Variants in NRG1 observed in about 807,000 individuals in gnomAD.
NRG1 encodes pro-neuregulin-1, membrane-bound isoform.
NRG1 carries 18 observed loss-of-function variants against 63.8 expected under a neutral mutation model. The observed-to-expected ratio is 0.28, with a 90% CI of 0.19 to 0.42. NRG1 has a LOEUF of 0.42. Among genes scored for constraint, NRG1 ranks in the 10% least tolerant of loss-of-function variants. The pLI is 1.00. For synonymous variants in NRG1, 302 were observed against 301.3 expected (o/e 1.00, Z -0.02); for missense variants, 762 against 814.7 (o/e 0.94, Z 0.79).
chr8:32,391,995 C>T (rs1010642832), intron 1 of NRG1, among the ~76,000 whole-genome samples: 2 of 152,046 alleles, frequency 1.3e-5, no homozygotes, highest in Admixed American at 1.3e-4. Flanking sequence ...TGAAAAATGG[C>T]CACAGGCTCT....
intron 5 of NRG1, among the ~76,000 whole-genome samples, chr8:32,670,796 G>A (rs1227295445): frequency 1.3e-5 from 2 of 152,102 alleles, no homozygotes; most frequent in East Asian, 3.9e-4. Context: ...GAGGTTCGTT[G>A]GTTTGCTTAA....
At chr8:31,886,649 C>T (rs926258155) in intron 1 of NRG1, among the ~76,000 whole-genome samples, 2 of 152,022 alleles carry the variant, frequency 1.3e-5, no homozygotes, top group South Asian at 2.1e-4. Context: ...CTGCAGCTGG[C>T]TCTTAAGTAA....
At chr8:32,093,255 T>C (rs564908232) in intron 1 of NRG1, among the ~76,000 whole-genome samples, 3 of 152,270 alleles carry the variant, frequency 2.0e-5, no homozygotes, top group Non-Finnish European at 4.4e-5. Context: ...AGGATGTGCA[T>C]AGCCCGAGAA....
intron 1 of NRG1, among the ~76,000 whole-genome samples, chr8:31,765,443 T>C (rs1245652914): frequency 6.6e-6 from 1 of 152,226 alleles, no homozygotes; most frequent in Non-Finnish European, 1.5e-5. Context: ...TCTTTTATCA[T>C]CATGTGTAAT....
At position 31,640,089 on chromosome 8, in the gene NRG1, A is replaced by G. The variant is rs1803589466; in HGVS notation, c.37+658A>G. ...CGCCGCCGCTGCCGCTGCTGCCACT[A>G]CTGCTGCTGCTGGGGACCGCGGCCC... On this transcript the variant is annotated intron_variant, in intron 1 of 10. Coordinates refer to the NRG1 transcript ENST00000519301. The surrounding 1 kb of genome is among the most constrained non-coding windows in gnomAD (Gnocchi z 6.3). The G allele has an allele frequency of 4.4e-6, 5 of 1,138,968 alleles. No individual in the cohort carries two copies. Among genetic ancestry groups the G allele is most frequent in the Non-Finnish European group, 5.4e-6 (5 of 930,376 alleles). 70.6% of individuals were successfully genotyped at this position (1,138,968 alleles called of 1,614,324 possible). A position where few individuals can be genotyped will look rare whatever the true frequency, so the allele number is the denominator to read the frequency against.
At chr8:32,762,891 G>C (rs746383712) in intron 11 of NRG1, among the ~76,000 whole-genome samples, 1 of 152,132 alleles carries the variant, frequency 6.6e-6, no homozygotes, top group Non-Finnish European at 1.5e-5. Flanking sequence ...GAGTCACTGA[G>C]CATTATCAGA....
At chr8:32,062,284 T>C (rs1284050344) in intron 1 of NRG1, among the ~76,000 whole-genome samples, 1 of 152,066 alleles carries the variant, frequency 6.6e-6, no homozygotes, top group Non-Finnish European at 1.5e-5. Context: ...GTTTTAAGAG[T>C]GTCATTCAGA....
intron 1 of NRG1, among the ~76,000 whole-genome samples, chr8:32,246,103 T>C (rs1848570935): frequency 6.6e-6 from 1 of 152,126 alleles, no homozygotes; most frequent in Non-Finnish European, 1.5e-5. Flanking sequence ...TTTTGAAATA[T>C]AATGAGAATA....
chr8:31,747,839 G>A lies in NRG1; in HGVS notation c.37+108408G>A, dbSNP rs527730288. Among the ~76,000 whole-genome samples, 4 of 152,054 alleles carry A rather than the reference G, an allele frequency of 2.6e-5. No homozygotes were observed. In the East Asian group the frequency reaches 5.8e-4, roughly 22 times the overall value. On this transcript the variant is annotated intron_variant, in intron 1 of 10. Transcript: ENST00000519301. ...AAATGAGCTTGTCTGGGTCTTTAGG[G>A]TTGAAATATATCCCAGGCTTCTTGG...
At chr8:32,250,474 T>G (rs1483728783) in intron 1 of NRG1, among the ~76,000 whole-genome samples, 1 of 152,180 alleles carries the variant, frequency 6.6e-6, no homozygotes, top group Non-Finnish European at 1.5e-5. Flanking sequence ...AACAATAGTT[T>G]AATGATTTTC....
intron 1 of NRG1, among the ~76,000 whole-genome samples, chr8:31,945,720 T>A (rs558557764): frequency 6.6e-6 from 1 of 152,344 alleles, no homozygotes; most frequent in East Asian, 1.9e-4. Context: ...GGCTTTTTTC[T>A]TCCTGTGCAT....
At chr8:31,951,319 G>T (rs1803426852) in intron 1 of NRG1, among the ~76,000 whole-genome samples, 1 of 152,190 alleles carries the variant, frequency 6.6e-6, no homozygotes, top group South Asian at 2.1e-4. Flanking sequence ...GGAAAAGTCA[G>T]TGGGGTGGTT....
chr8:32,571,191 A>G (rs1838522025), intron 1 of NRG1, among the ~76,000 whole-genome samples: 2 of 152,240 alleles, frequency 1.3e-5, no homozygotes, highest in Admixed American at 1.3e-4. Context: ...TACAGCAATG[A>G]CATGACATCT....
chr8:32,338,906 G>A (rs1377933228), intron 1 of NRG1, among the ~76,000 whole-genome samples: 1 of 152,024 alleles, frequency 6.6e-6, no homozygotes, highest in Non-Finnish European at 1.5e-5. Flanking sequence ...TCTCCAATGA[G>A]CCCTGGGGAA....
At chr8:32,691,003 C>G (rs1482761127) in intron 5 of NRG1, among the ~76,000 whole-genome samples, 7 of 150,540 alleles carry the variant, frequency 4.6e-5, no homozygotes, top group African/African-American at 1.5e-4. Context: ...AATCCTAACT[C>G]CCCCAAGAAA....
At chr8:32,338,822 G>A (rs1236460062) in intron 1 of NRG1, among the ~76,000 whole-genome samples, 5 of 152,108 alleles carry the variant, frequency 3.3e-5, no homozygotes, top group Non-Finnish European at 7.3e-5. Context: ...ATACTCCGGA[G>A]AATGTTCCTA....
intron 1 of NRG1, among the ~76,000 whole-genome samples, chr8:32,004,923 C>A (rs926463995): frequency 1.8e-4 from 27 of 151,086 alleles, no homozygotes; most frequent in African/African-American, 6.1e-4. Flanking sequence ...TACAAGTGTT[C>A]ATTTAATACA....
intron 1 of NRG1, among the ~76,000 whole-genome samples, chr8:32,141,616 ATATATATATAT>A (rs540190534): frequency 1.6e-3 from 211 of 132,242 alleles, no homozygotes; most frequent in Admixed American, 5.6e-3. Flanking sequence ...ATATATATAT[ATATATATATAT>A]ATGAATGATG....
At chr8:32,644,801 CT>C (rs5890675) in intron 5 of NRG1, among the ~76,000 whole-genome samples, 1,868 of 144,232 alleles carry the variant, frequency 0.013, 13 homozygotes, top group Middle Eastern at 0.029. Context: ...TGCCCAGTAA[CT>C]TTTTTTTTTT....
Sources: gnomAD v4.1 joint callset for allele counts (sites outside exome capture counted in the v4.1 genomes callset) on GRCh38, gnomAD v4.1.1 for gene constraint, Gnocchi (gnomAD v3.1) non-coding constraint, MANE v1.5 for transcripts, NCBI Gene and HGNC (gene_info 2026-07-23, HGNC 2026-07-21) for gene names.